The following TMEM145 variants were observed in gnomAD, a reference collection of about 807,000 sequenced individuals.
TMEM145 encodes transmembrane protein 145.
A neutral mutation model predicts 68.5 loss-of-function variants in TMEM145; 46 were observed. That is an observed-to-expected ratio of 0.67 (90% CI 0.53 to 0.86). TMEM145 has a LOEUF of 0.86. Among genes scored for constraint, TMEM145 ranks in the 40% least tolerant of loss-of-function variants. TMEM145 has a pLI of 0.00. For missense variants in TMEM145, 570 were observed against 645.8 expected (o/e 0.88, Z 1.27); for synonymous variants, 255 against 280.2 (o/e 0.91, Z 0.90).
In TMEM145 at chr19:42,314,253, G is replaced by A. The variant is rs2038831477; in HGVS notation, c.121-19G>A. ...TCTTGAAGGACTCAGCGGAGGGTCA[G>A]ACTGGGCCCCTTTTTCAGGACTGGG... On this transcript the variant is annotated intron_variant, in intron 1 of 14. Coordinates refer to ENST00000301204, the MANE Select transcript of TMEM145 (RefSeq NM_173633.3). 2.5e-6 allele frequency: 4 copies of A among 1,613,998 alleles called. No homozygotes were observed. The East Asian group carries it at 6.7e-5, about 27-fold the overall frequency.
chr19:42,314,361 A>G lies in TMEM145; in HGVS notation c.195+15A>G, dbSNP rs1360134003. The stretch of plus-strand genomic sequence containing the variant: ...GCTACCCTGAGGTGAGTCTCCCCCA[A>G]CACTCGCCATGCTGAGGCTGGGTAC... On this transcript the variant is annotated intron_variant, in intron 2 of 14. Transcript: ENST00000301204. The G allele has an allele frequency of 1.9e-6, 3 of 1,614,002 alleles. No individual in the cohort carries two copies. Among genetic ancestry groups the G allele is most frequent in the Non-Finnish European group, 2.5e-6 (3 of 1,179,962 alleles).
rs778423929 is a variant in TMEM145 at position 42,316,920 on chromosome 19, T to C, written c.857T>C (p.Leu286Pro). ...GTGAAGTTGTCTGTCTACATGACCC[T>C]GTACACGCTCACCCATGTGGTGCTG... ...GSVKLSVYMT[L>P]YTLTHVVLLI... Residue 286 changes from leucine (L) to proline (P), a missense_variant, in exon 11 of 15, where the codon CTG becomes CCG. Physicochemically the swap from Leu to Pro is moderately conservative, Grantham distance 98 (BLOSUM62 -3). Transcript: ENST00000301204. 1 of 1,613,858 alleles carries C rather than the reference T, an allele frequency of 6.2e-7. No individual in the cohort carries two copies. Among genetic ancestry groups the C allele is most frequent in the South Asian group, 1.1e-5 (1 of 91,074 alleles).
At position 42,317,690 on chromosome 19, in the gene TMEM145, C is replaced by G; in HGVS notation, c.901-19C>G. ...GGGGAGGAGGCCAGGCTGTGATGGA[C>G]CCTCTCCTGCGGGTCTAGTTCTTTG... On this transcript the variant is annotated intron_variant, in intron 11 of 14. Transcript: ENST00000301204. 1 of 1,613,550 alleles carries G rather than the reference C, an allele frequency of 6.2e-7. No homozygotes were observed. Among genetic ancestry groups the G allele is most frequent in the Non-Finnish European group, 8.5e-7 (1 of 1,179,620 alleles).
In TMEM145 at chr19:42,325,057, A is replaced by G. The variant is rs1471486830; in HGVS notation, c.*240A>G. ...CCAAAATAAAAAAGGATTCGTTTTT[A>G]TCTATAACATGGCTTCTTTTGCATC... is the stretch of plus-strand genomic sequence containing the variant. On this transcript the variant is annotated 3_prime_UTR_variant, in exon 15 of 15. Transcript: ENST00000301204. The G allele has an allele frequency of 7.6e-6, 4 of 524,686 alleles. No homozygotes were observed. The African/African-American group carries it at 8.0e-5, about 10-fold the overall frequency. 32.5% of individuals were successfully genotyped at this position (524,686 alleles called of 1,614,324 possible). A position where few individuals can be genotyped will look rare whatever the true frequency, so the allele number is the denominator to read the frequency against.
intron 12 of TMEM145, among the ~76,000 whole-genome samples, chr19:42,319,759 T>TC (rs1467280027): frequency 7.3e-5 from 10 of 136,152 alleles, no homozygotes; most frequent in South Asian, 2.2e-4. Flanking sequence ...GATTTCTTCT[T>TC]TTTTTTTTTT....
chr19:42,320,071 T>G (rs1170040447), intron 12 of TMEM145, among the ~76,000 whole-genome samples: 2 of 152,194 alleles, frequency 1.3e-5, no homozygotes, highest in East Asian at 3.9e-4. Flanking sequence ...TCTATTGATT[T>G]CTTATCAGAT....
Position 42,323,707 on chromosome 19 carries a change from A to T in TMEM145, c.1319A>T (p.His440Leu). Reference sequence around the variant, plus strand: ...TCCGCTGACAAGGCCTTCCCGCAGCACGTCTATGGGAACGTGACGTTTATC... The same window carrying T: ...TCCGCTGACAAGGCCTTCCCGCAGCTCGTCTATGGGAACGTGACGTTTATC... ...SQSADKAFPQHVYGNVTFISD... is the reference protein window; with the variant it reads ...SQSADKAFPQLVYGNVTFISD... The change falls in exon 14 of 15, where the codon CAC becomes CTC. Residue 440 changes from histidine (H) to leucine (L), a missense_variant. Physicochemically the swap from His to Leu is moderately conservative, Grantham distance 99. Transcript: ENST00000301204. The T allele has an allele frequency of 6.2e-7, 1 of 1,614,178 alleles. No individual in the cohort carries two copies. Among genetic ancestry groups the T allele is most frequent in the Non-Finnish European group, 8.5e-7 (1 of 1,180,020 alleles).
chr19:42,314,417 C>T, intron 2 of TMEM145, 34 bp from the exon 3 acceptor site: 1 of 1,614,054 alleles, frequency 6.2e-7, no homozygotes, highest in Non-Finnish European at 8.5e-7. Flanking sequence ...ACAGGCTGCC[C>T]CAGCTCCCGG....
In TMEM145 at chr19:42,320,373, C is replaced by A. The variant is rs757162194; in HGVS notation, c.1130C>A (p.Ala377Asp). The stretch of plus-strand genomic sequence containing the variant: ...GCCAATTTCGGCATCCCCAAGTGGG[C>A]CCGGGAGAAGATTGTCAATGGCATC... ...LIANFGIPKW[A>D]REKIVNGIQL... Residue 377 changes from alanine (A) to aspartate (D), a missense_variant, in exon 13 of 15, where the codon GCC becomes GAC. By Grantham distance (126) the Ala-to-Asp change is moderately radical. Coordinates refer to ENST00000301204, the MANE Select transcript of TMEM145 (RefSeq NM_173633.3). 1 of 1,614,158 alleles carries A rather than the reference C, an allele frequency of 6.2e-7. No individual in the cohort carries two copies. Among genetic ancestry groups the A allele is most frequent in the Admixed American group, 1.7e-5 (1 of 60,028 alleles).
rs749204211 is a variant in TMEM145, at chr19:42,315,232, A to G, written c.550A>G (p.Ile184Val). The G allele has an allele frequency of 1.2e-6, 2 of 1,607,344 alleles. No individual in the cohort carries two copies. Among genetic ancestry groups the G allele is most frequent in the African/African-American group, 2.7e-5 (2 of 74,690 alleles). The change falls in exon 7 of 15, where the codon ATC becomes GTC. Residue 184 changes from isoleucine to valine, a missense_variant. Physicochemically the swap from Ile to Val is conservative, Grantham distance 29. Transcript: ENST00000301204. ...GACCTTCCTCCTCATCTTCATCCTCATCTTCTTCCTCTCTTGTTACTTTGG... is the reference window on the plus strand; with the variant it reads ...GACCTTCCTCCTCATCTTCATCCTCGTCTTCTTCCTCTCTTGTTACTTTGG... ...DVTFLLIFILIFFLSCYFGYL... is the reference protein window; with the variant it reads ...DVTFLLIFILVFFLSCYFGYL...
chr19:42,323,917 C>G lies in TMEM145; in HGVS notation c.1401+128C>G, dbSNP rs923037709. On this transcript the variant is annotated intron_variant, in intron 14 of 14. Transcript: ENST00000301204. Reference sequence around the variant, plus strand: ...AGCCCTCCTCCTGCCTTTCGCACTCCCCGCGCCCCAACACCGCGCCGCGAC... The same window carrying G: ...AGCCCTCCTCCTGCCTTTCGCACTCGCCGCGCCCCAACACCGCGCCGCGAC... 11 of 829,564 alleles carry G rather than the reference C, an allele frequency of 1.3e-5. No individual in the cohort carries two copies. In the Admixed American group the frequency reaches 1.5e-4, roughly 12 times the overall value. The allele number at this position is 829,564 out of a possible 1,614,324, so 51.4% of individuals were successfully genotyped here.
chr19:42,322,855 C>A (rs1332395968), intron 13 of TMEM145, among the ~76,000 whole-genome samples: 1 of 152,040 alleles, frequency 6.6e-6, no homozygotes, highest in Non-Finnish European at 1.5e-5. Context: ...GGCGCACCAC[C>A]ACACCTGGCT....
chr19:42,317,146 C>T (rs2038867497), intron 11 of TMEM145, among the ~76,000 whole-genome samples, 183 bp downstream of exon 11: 1 of 152,226 alleles, frequency 6.6e-6, no homozygotes, highest in South Asian at 2.1e-4. Flanking sequence ...CATCCCGCAG[C>T]AGCTTTCTTT....
In TMEM145 at chr19:42,323,620, C is replaced by T. The variant is rs1188225806; in HGVS notation, c.1232C>T (p.Pro411Leu). ...TRPSAANKNF[P>L]YHVRTSQIAS... ...CCATCAGCGGCCAACAAGAACTTCC[C>T]GTACCACGTGCGCACGTCGCAGATC... The change falls in exon 14 of 15, where the codon CCG becomes CTG. Residue 411 changes from proline (P) to leucine (L), a missense_variant. Transcript: ENST00000301204. The T allele has an allele frequency of 1.2e-6, 2 of 1,614,170 alleles. No homozygotes were observed. Among genetic ancestry groups the T allele is most frequent in the African/African-American group, 1.3e-5 (1 of 75,058 alleles).
Position 42,314,996 on chromosome 19 carries a change from G to A in TMEM145, c.424G>A (p.Asp142Asn), listed in dbSNP as rs1476806371. Reference sequence around the variant, plus strand: ...TAGGCCTCCCTACCCCCCACAGGGTGATGGATTGCAGCTGGAGTATGAGAT... The same window carrying A: ...TAGGCCTCCCTACCCCCCACAGGGTAATGGATTGCAGCTGGAGTATGAGAT... ...CSSGRSFRSG[D>N]GLQLEYEMVL... Residue 142 changes from aspartate to asparagine, a missense_variant, in exon 6 of 15, where the codon GAT becomes AAT. Coordinates refer to ENST00000301204, the MANE Select transcript of TMEM145 (RefSeq NM_173633.3). The A allele has an allele frequency of 1.2e-6, 2 of 1,614,008 alleles. No homozygotes were observed. The highest frequency in any genetic ancestry group is 2.7e-5 in the African/African-American group (2 of 74,894).
At chr19:42,316,625 G>A in intron 9 of TMEM145, 37 bp from the exon 10 acceptor site, 1 of 1,613,774 alleles carries the variant, frequency 6.2e-7, no homozygotes, top group Non-Finnish European at 8.5e-7. Flanking sequence ...TCAGGTCTGA[G>A]CCTGGCTCTG....
Position 42,323,755 on chromosome 19 carries a change from C to T in TMEM145, c.1367C>T (p.Thr456Met). 1 of 1,614,144 alleles carries T rather than the reference C, an allele frequency of 6.2e-7. No homozygotes were observed. The highest frequency in any genetic ancestry group is 1.1e-5 in the South Asian group (1 of 91,088). ...TFISDSVPNF[T>M]ELFSIPPPAT... ...ATCAGCGACTCGGTGCCCAACTTCA[C>T]GGAGCTCTTCTCCATCCCCCCGCCC... The change falls in exon 14 of 15, where the codon ACG becomes ATG. Residue 456 changes from threonine to methionine, a missense_variant. Coordinates refer to ENST00000301204, the MANE Select transcript of TMEM145 (RefSeq NM_173633.3).
intron 14 of TMEM145, chr19:42,324,459 C>A (rs1197589954): frequency 1.0e-6 from 1 of 985,294 alleles, no homozygotes; most frequent in African/African-American, 1.7e-5. Flanking sequence ...CAGACGGCAG[C>A]GCCGCACACC....
Position 42,313,361 on chromosome 19 carries a change from G to C in TMEM145, c.-16G>C. On this transcript the variant is annotated 5_prime_UTR_variant, in exon 1 of 15. Coordinates refer to ENST00000301204, the MANE Select transcript of TMEM145 (RefSeq NM_173633.3). The surrounding 1 kb of genome is among the most constrained non-coding windows in gnomAD (Gnocchi z 5.1). ...AGTGCGGGAGCCGGAGCGGAGCCGG[G>C]GCCGGAGCGGGCGGAATGGAGCCCC... is the stretch of plus-strand genomic sequence containing the variant. 2.8e-6 allele frequency: 3 copies of C among 1,061,446 alleles called. No homozygotes were observed. The highest frequency in any genetic ancestry group is 2.9e-5 in the South Asian group (1 of 34,780). The allele number at this position is 1,061,446 out of a possible 1,614,324, so 65.8% of individuals were successfully genotyped here.
Sources: gnomAD v4.1 joint callset for allele counts (sites outside exome capture counted in the v4.1 genomes callset) on GRCh38, gnomAD v4.1.1 for gene constraint, Gnocchi (gnomAD v3.1) non-coding constraint, MANE v1.5 for transcripts, NCBI Gene and HGNC (gene_info 2026-07-23, HGNC 2026-07-21) for gene names.